The following DSTYK variants were observed in gnomAD, a reference collection of about 807,000 sequenced individuals.
The protein encoded by DSTYK is dual serine/threonine and tyrosine protein kinase.
A neutral mutation model predicts 98.7 loss-of-function variants in DSTYK; 34 were observed. The observed-to-expected ratio is 0.34, with a 90% confidence interval of 0.26 to 0.46. DSTYK has a LOEUF of 0.46. Ranked by LOEUF, DSTYK falls within the 20% of genes least tolerant of loss-of-function variation. DSTYK has a pLI of 1.00. For missense variants in DSTYK, 962 were observed against 1,181.7 expected (o/e 0.81, Z 2.73); for synonymous variants, 462 against 457.3 (o/e 1.01, Z -0.13).
chr1:205,183,839 G>A lies in DSTYK; in HGVS notation c.654+3579C>T, dbSNP rs182164583. 1.1e-3 allele frequency among the ~76,000 whole-genome samples: 173 copies of A among 152,236 alleles called. 8 individuals are homozygous for A. In the East Asian group the frequency reaches 0.021, roughly 19 times the overall value. Reference sequence around the variant, plus strand: ...TGAGAGGGCAGTGCTTGGATTCCACGAAGGTTGCAAGGCCCTCTGAGACTC... The same window carrying A: ...TGAGAGGGCAGTGCTTGGATTCCACAAAGGTTGCAAGGCCCTCTGAGACTC... On this transcript the variant is annotated intron_variant, in intron 2 of 12. Coordinates refer to ENST00000367162, the MANE Select transcript of DSTYK (RefSeq NM_015375.3).
chr1:205,152,226 G>A (rs1289761151), intron 10 of DSTYK, among the ~76,000 whole-genome samples: 1 of 152,196 alleles, frequency 6.6e-6, no homozygotes, highest in Non-Finnish European at 1.5e-5. Context: ...TGCCTAGGCT[G>A]GAGTGCAATG....
chr1:205,159,894 C>G, intron 8 of DSTYK: 3 of 788,866 alleles, frequency 3.8e-6, no homozygotes, highest in Non-Finnish European at 6.0e-6. Flanking sequence ...GGCTTAAGGA[C>G]TAAAGAAGAA....
intron 11 of DSTYK, 57 bp from the exon 12 acceptor site, chr1:205,148,396 T>A (rs1057329569): frequency 6.2e-7 from 1 of 1,602,806 alleles, no homozygotes; most frequent in African/African-American, 1.3e-5. Context: ...CAGCAGCATC[T>A]ACACCACCTT....
intron 2 of DSTYK, among the ~76,000 whole-genome samples, chr1:205,186,289 A>G (rs983510804): frequency 6.6e-5 from 10 of 152,232 alleles, no homozygotes; most frequent in African/African-American, 2.2e-4. Flanking sequence ...TCTCAGTTTG[A>G]AAACACAGGA....
chr1:205,154,403 G>A (rs1657496639), intron 10 of DSTYK, among the ~76,000 whole-genome samples: 1 of 152,116 alleles, frequency 6.6e-6, no homozygotes, highest in South Asian at 2.1e-4. Flanking sequence ...GGGAGGTAAG[G>A]GGTTTTTCCC....
intron 10 of DSTYK, among the ~76,000 whole-genome samples, chr1:205,156,341 C>T (rs1657560451): frequency 6.6e-6 from 1 of 152,190 alleles, no homozygotes; most frequent in Admixed American, 6.5e-5. Context: ...AACACCAGCC[C>T]ATGAAAGCAG....
At position 205,153,590 on chromosome 1, in the gene DSTYK, G is replaced by C. The variant is rs1319811097; in HGVS notation, c.2353-2796C>G. Among the ~76,000 whole-genome samples the C allele has an allele frequency of 2.0e-5, 3 of 152,182 alleles. No individual in the cohort carries two copies. In the South Asian group the frequency reaches 6.2e-4, roughly 32 times the overall value. On this transcript the variant is annotated intron_variant, in intron 10 of 12. Transcript: ENST00000367162. The stretch of plus-strand genomic sequence containing the variant: ...AATATAGATTACATATTAAATAATA[G>C]TATTGTATCAATGTTAAATTTCTTG...
chr1:205,209,314 C>T (rs1659294902), intron 1 of DSTYK, among the ~76,000 whole-genome samples: 1 of 152,178 alleles, frequency 6.6e-6, no homozygotes, highest in Admixed American at 6.5e-5. Flanking sequence ...GGAGACACCT[C>T]TGGAAAGCAC....
chr1:205,181,084 AAG>A (rs929170604), intron 2 of DSTYK, among the ~76,000 whole-genome samples: 2 of 152,194 alleles, frequency 1.3e-5, no homozygotes, highest in African/African-American at 4.8e-5. Flanking sequence ...CACATAAAAT[AAG>A]AGTTTTTAAA....
chr1:205,208,860 C>T (rs1659282120), intron 1 of DSTYK, among the ~76,000 whole-genome samples: 1 of 152,154 alleles, frequency 6.6e-6, no homozygotes, highest in African/African-American at 2.4e-5. Flanking sequence ...GAAAATGCAT[C>T]CCTCAAATAT....
chr1:205,204,884 A>G (rs1659155574), intron 1 of DSTYK, among the ~76,000 whole-genome samples: 1 of 152,226 alleles, frequency 6.6e-6, no homozygotes, highest in African/African-American at 2.4e-5. Flanking sequence ...CATTATATAT[A>G]TGAAGAACCC....
chr1:205,161,105 G>T (rs1657706194), intron 7 of DSTYK, among the ~76,000 whole-genome samples, 153 bp downstream of exon 7: 1 of 152,172 alleles, frequency 6.6e-6, no homozygotes, highest in Non-Finnish European at 1.5e-5. Flanking sequence ...ATAAATAGCA[G>T]GAAGAGACTT....
At chr1:205,168,675 TGAA>T (rs1657962397) in intron 3 of DSTYK, among the ~76,000 whole-genome samples, 1 of 152,184 alleles carries the variant, frequency 6.6e-6, no homozygotes, top group Non-Finnish European at 1.5e-5. Flanking sequence ...TAGCCATTTG[TGAA>T]GAATAGGACT....
At chr1:205,182,344 C>T (rs755091335) in intron 2 of DSTYK, among the ~76,000 whole-genome samples, 4 of 151,688 alleles carry the variant, frequency 2.6e-5, no homozygotes, top group Middle Eastern at 3.4e-3. Context: ...GAGCCAAGAT[C>T]GTACCACTGT....
At chr1:205,159,816 C>G in intron 8 of DSTYK, 137 bp from the exon 9 acceptor site, 1 of 1,098,770 alleles carries the variant, frequency 9.1e-7, no homozygotes, top group Non-Finnish European at 1.3e-6. Flanking sequence ...GCAGACAGAG[C>G]CCTCAGTACA....
chr1:205,193,470 A>G (rs1658771842), intron 1 of DSTYK, among the ~76,000 whole-genome samples: 1 of 152,132 alleles, frequency 6.6e-6, no homozygotes, highest in South Asian at 2.1e-4. Flanking sequence ...AAGGCTTCAG[A>G]AGCAAGGTTG....
intron 1 of DSTYK, among the ~76,000 whole-genome samples, chr1:205,199,227 G>T (rs958164219): frequency 6.6e-6 from 1 of 152,094 alleles, no homozygotes; most frequent in Non-Finnish European, 1.5e-5. Flanking sequence ...CAAAGAAAGC[G>T]GTGGTCAAAA....
intron 2 of DSTYK, among the ~76,000 whole-genome samples, chr1:205,182,806 CAA>C (rs58571717): frequency 7.5e-5 from 8 of 107,342 alleles, no homozygotes; most frequent in Admixed American, 1.0e-4. Context: ...GACTCCGTCT[CAA>C]AAAAAAAAAA....
At chr1:205,195,421 GA>G (rs1262275107) in intron 1 of DSTYK, among the ~76,000 whole-genome samples, 5 of 152,160 alleles carry the variant, frequency 3.3e-5, no homozygotes, top group Non-Finnish European at 7.4e-5. Context: ...GACTGAGACA[GA>G]AAAAATTCAG....
Sources: gnomAD v4.1 joint callset for allele counts (sites outside exome capture counted in the v4.1 genomes callset) on GRCh38, gnomAD v4.1.1 for gene constraint, MANE v1.5 for transcripts, NCBI Gene and HGNC (gene_info 2026-07-23, HGNC 2026-07-21) for gene names.